The following POLQ variants were observed in gnomAD, a reference collection of about 807,000 sequenced individuals.
The protein encoded by POLQ is epididymis secretory sperm binding protein.
Under a neutral mutation model 259.2 loss-of-function variants are expected in POLQ, and 233 were observed. The observed-to-expected ratio is 0.90, with a 90% confidence interval of 0.81 to 1.00. The LOEUF (loss-of-function observed/expected upper bound fraction) is 1.00. Ranked by LOEUF, POLQ falls within the 50% of genes least tolerant of loss-of-function variation. The probability of loss-of-function intolerance (pLI) is 0.00; values close to 1 mark genes in which losing one functional copy is unlikely to be tolerated. For synonymous variants in POLQ, 1,025 were observed against 1,048.8 expected (o/e 0.98, Z 0.44); for missense variants, 2,871 against 3,051.6 (o/e 0.94, Z 1.39).
chr3:121,490,332 T>C lies in POLQ; in HGVS notation c.2599A>G (p.Arg867Gly). 6 of 1,614,240 alleles carry C rather than the reference T, an allele frequency of 3.7e-6. No individual in the cohort carries two copies. Among genetic ancestry groups the C allele is most frequent in the Non-Finnish European group, 4.2e-6 (5 of 1,180,028 alleles). Residue 867 changes from arginine (R) to glycine (G), a missense_variant, in exon 16 of 30, where the codon AGA becomes GGA. Physicochemically the swap from Arg to Gly is moderately radical, Grantham distance 125. Around this residue, in one of 3 missense-constraint regions of POLQ, gnomAD observed 2,080 missense variants for 2,126.0 expected, o/e 0.98. Transcript: ENST00000264233. ...RNMRTIWVTG[R>G]KGLTEREAAA... ...GCTTCCCTTTCAGTTAAACCTTTTCTGCCAGTCACCCAGATAGTTCGCATA... is the reference window on the plus strand; with the variant it reads ...GCTTCCCTTTCAGTTAAACCTTTTCCGCCAGTCACCCAGATAGTTCGCATA...
In POLQ at chr3:121,520,013, TGCC is replaced by T. The variant is rs1402061479; in HGVS notation, c.1323_1325del (p.Ala442del). ...TCACCCCAGAAGAAAGAGTAGAAGT[TGCC>T]GCCAAGACCCGAATGAGACCTTGAC... On this transcript the variant is annotated inframe_deletion, in exon 9 of 30. Coordinates refer to ENST00000264233, the MANE Select transcript of POLQ (RefSeq NM_199420.4). 6.2e-7 allele frequency: 1 copy of T among 1,613,578 alleles called. No homozygotes were observed. Among genetic ancestry groups the T allele is most frequent in the Non-Finnish European group, 8.5e-7 (1 of 1,179,556 alleles).
intron 5 of POLQ, among the ~76,000 whole-genome samples, chr3:121,536,795 C>A (rs908648496): frequency 1.3e-5 from 2 of 152,026 alleles, no homozygotes; most frequent in African/African-American, 4.8e-5. Context: ...CAGGTGTGTG[C>A]CACCATGCCC....
At chr3:121,506,279 C>CA (rs75317432) in intron 12 of POLQ, among the ~76,000 whole-genome samples, 3 of 150,094 alleles carry the variant, frequency 2.0e-5, no homozygotes, top group African/African-American at 7.4e-5. Context: ...AAAAACAAAA[C>CA]AAAACAAAAA....
chr3:121,471,881 C>T (rs375473863), intron 22 of POLQ, 109 bp downstream of exon 22: 53 of 527,848 alleles, frequency 1.0e-4, no homozygotes, highest in African/African-American at 7.2e-4. Context: ...AAAACTTCAC[C>T]GAACCCCTTG....
rs1437483218 is a variant in POLQ at position 121,498,651 on chromosome 3, T to G, written c.1979A>C (p.Asp660Ala). 6.2e-7 allele frequency: 1 copy of G among 1,611,598 alleles called. No homozygotes were observed. The highest frequency in any genetic ancestry group is 1.7e-5 in the Admixed American group (1 of 59,970). Reference protein sequence around the residue: ...ILYLVTPMFEDWTTIDWYRFF... With the variant: ...ILYLVTPMFEAWTTIDWYRFF... ...TCGATACCAATCAATAGTAGTCCAA[T>G]CCTCAAACATAGGTGTAACCTAAAA... The change falls in exon 13 of 30, where the codon GAT becomes GCT. Residue 660 changes from aspartate to alanine, a missense_variant. Around this residue, in one of 3 missense-constraint regions of POLQ, gnomAD observed 783 missense variants for 906.2 expected, o/e 0.86. Transcript: ENST00000264233.
chr3:121,522,336 G>A (rs1330096597), intron 7 of POLQ, among the ~76,000 whole-genome samples, 187 bp from the exon 8 acceptor site: 1 of 86,464 alleles, frequency 1.2e-5, no homozygotes, highest in Non-Finnish European at 2.1e-5. Context: ...ACGGAGTCTC[G>A]CTCTGTCGCC....
chr3:121,440,073 T>G lies in POLQ; in HGVS notation c.7308A>C (p.Arg2436Ser). The G allele has an allele frequency of 6.2e-7, 1 of 1,609,186 alleles. No individual in the cohort carries two copies. The change falls in exon 27 of 30, where the codon AGA (arginine) becomes AGC (serine). Residue 2436 changes from arginine (R) to serine (S), a missense_variant. Arg to Ser is a moderately radical substitution (Grantham distance 110, BLOSUM62 -1). Transcript: ENST00000264233. Reference sequence around the variant, plus strand: ...CCAAAATGGTCTGAACAAATCCGTCTCTTTTACAATTCTTCACTGTCTCTG... The same window carrying G: ...CCAAAATGGTCTGAACAAATCCGTCGCTTTTACAATTCTTCACTGTCTCTG... ...FMTETVKNCK[R>S]DGFVQTILGR...
In POLQ at chr3:121,488,963, T is replaced by C; in HGVS notation, c.3968A>G (p.Tyr1323Cys). The change falls in exon 16 of 30, where the codon TAT becomes TGT. Residue 1323 changes from tyrosine (Y) to cysteine (C), a missense_variant. Transcript: ENST00000264233. ...LVLCDFEDSF[Y>C]LDTQSEKIIQ... ...TATTTTCTCTGACTGAGTATCCAGATAGAAACTATCTTCAAAATCACAGAG... is the reference window on the plus strand; with the variant it reads ...TATTTTCTCTGACTGAGTATCCAGACAGAAACTATCTTCAAAATCACAGAG... The C allele has an allele frequency of 6.2e-7, 1 of 1,613,848 alleles. No homozygotes were observed. The highest frequency in any genetic ancestry group is 8.5e-7 in the Non-Finnish European group (1 of 1,179,732).
chr3:121,532,748 G>A (rs1371136756), intron 6 of POLQ, among the ~76,000 whole-genome samples: 1 of 152,166 alleles, frequency 6.6e-6, no homozygotes, highest in African/African-American at 2.4e-5. Flanking sequence ...GGCCATGATG[G>A]TCTCTAACTC....
In POLQ at chr3:121,468,285, T is replaced by C. The variant is rs1193427858; in HGVS notation, c.6845+20A>G. The C allele has an allele frequency of 1.3e-6, 2 of 1,595,696 alleles. No homozygotes were observed. The highest frequency in any genetic ancestry group is 1.7e-6 in the Non-Finnish European group (2 of 1,172,212). On this transcript the variant is annotated intron_variant, in intron 23 of 29. Transcript: ENST00000264233. ...ACTTACAAAAGTTTATTAATACAGA[T>C]ACAGAGAAACAGCACCTACCTGCCC...
intron 2 of POLQ, 149 bp downstream of exon 2, chr3:121,544,578 A>G (rs2048515074): frequency 1.8e-6 from 1 of 555,832 alleles, no homozygotes; most frequent in Non-Finnish European, 3.1e-6. Flanking sequence ...AATATAAATA[A>G]AACTCCACTT....
Position 121,436,289 on chromosome 3 carries a change from T to C in POLQ, c.7390-14A>G. The C allele has an allele frequency of 6.2e-7, 1 of 1,613,006 alleles. No individual in the cohort carries two copies. Among genetic ancestry groups the C allele is most frequent in the Non-Finnish European group, 8.5e-7 (1 of 1,179,198 alleles). The stretch of plus-strand genomic sequence containing the variant: ...TTGACGCTCAGCCTAGAAAAAACAA[T>C]CAACAGGTGCTCCACCAGATATGCC... On this transcript the variant is annotated splice_polypyrimidine_tract_variant and intron_variant, in intron 27 of 29. Transcript: ENST00000264233.
At chr3:121,442,275 A>G (rs2047599271) in intron 26 of POLQ, among the ~76,000 whole-genome samples, 1 of 152,224 alleles carries the variant, frequency 6.6e-6, no homozygotes, top group African/African-American at 2.4e-5. Context: ...CATCACCTCA[A>G]GCATTTATCA....
chr3:121,498,137 C>T (rs1159301558), intron 13 of POLQ, among the ~76,000 whole-genome samples: 2 of 151,672 alleles, frequency 1.3e-5, no homozygotes, highest in Admixed American at 6.6e-5. Context: ...ATGGAGAAAC[C>T]CCATCTCTAT....
At chr3:121,540,896 ATT>A (rs59706476) in intron 3 of POLQ, among the ~76,000 whole-genome samples, 1 of 146,504 alleles carries the variant, frequency 6.8e-6, no homozygotes, top group Non-Finnish European at 1.5e-5. Context: ...AATTTTTTTA[ATT>A]TTTTTTTTTT....
At chr3:121,512,913 C>T (rs1219934279) in intron 9 of POLQ, among the ~76,000 whole-genome samples, 1 of 152,108 alleles carries the variant, frequency 6.6e-6, no homozygotes, top group Non-Finnish European at 1.5e-5. Context: ...ACAACATTTA[C>T]TAATCTAAAT....
In POLQ at chr3:121,483,537, G is replaced by C. The variant is rs757620811; in HGVS notation, c.5819C>G (p.Thr1940Ser). The stretch of plus-strand genomic sequence containing the variant: ...AAGGTACCACATCCTGTCTTTCAAA[G>C]TCAGGCTTGGATCTAAAGAAGGTGG... ...LVPPSLDPSL[T>S]LKDRMWYLQS... Residue 1940 changes from threonine to serine, a missense_variant, in exon 18 of 30, where the codon ACT (threonine) becomes AGT (serine). This residue lies in a region of POLQ where 2,080 missense variants were observed against 2,126.0 expected (regional missense o/e 0.98). Transcript: ENST00000264233. 2 of 1,582,174 alleles carry C rather than the reference G, an allele frequency of 1.3e-6. No individual in the cohort carries two copies. The highest frequency in any genetic ancestry group is 1.7e-6 in the Non-Finnish European group (2 of 1,167,920).
intron 9 of POLQ, among the ~76,000 whole-genome samples, chr3:121,517,632 C>T (rs925875083): frequency 6.6e-6 from 1 of 152,194 alleles, no homozygotes; most frequent in Non-Finnish European, 1.5e-5. Flanking sequence ...CTATGTGCAA[C>T]TTCTGAGCAG....
chr3:121,493,762 TAC>T (rs2048091425), intron 14 of POLQ, 41 bp from the exon 15 acceptor site: 1 of 1,550,204 alleles, frequency 6.5e-7, no homozygotes. Context: ...CAATTTTTTT[TAC>T]AGACGAATTC....
Sources: allele counts gnomAD v4.1 joint callset (sites outside exome capture counted in the v4.1 genomes callset), GRCh38; gene constraint gnomAD v4.1.1; regional missense constraint gnomAD v4.1.1; transcripts MANE v1.5; gene names NCBI Gene and HGNC (gene_info 2026-07-23, HGNC 2026-07-21).